Variants in ZFAND3 observed in about 807,000 individuals in gnomAD.
The protein encoded by ZFAND3 is AN1-type zinc finger protein 3.
ZFAND3 carries 10 observed loss-of-function variants against 29.6 expected under a neutral mutation model. The ratio of observed to expected loss-of-function variants is 0.34; its 90% CI spans 0.21 to 0.57. The LOEUF is 0.57. ZFAND3 is among the 20% of genes least tolerant of loss of function. The pLI, the probability that ZFAND3 is intolerant of heterozygous loss-of-function variation, is 0.86. For synonymous variants in ZFAND3, 128 were observed against 112.6 expected, an observed-to-expected ratio of 1.14 and a Z score of -0.87; for missense variants, 230 against 304.5, an observed-to-expected ratio of 0.76 and a Z score of 1.82.
At chr6:37,846,218 G>T (rs982290484) in intron 1 of ZFAND3, among the ~76,000 whole-genome samples, 2 of 152,174 alleles carry the variant, frequency 1.3e-5, no homozygotes, top group African/African-American at 4.8e-5. Context: ...CTTACATTAT[G>T]CTTTGCTTAA....
At chr6:38,020,652 T>C (rs1159075536) in intron 2 of ZFAND3, among the ~76,000 whole-genome samples, 5 of 152,224 alleles carry the variant, frequency 3.3e-5, no homozygotes, top group Admixed American at 3.3e-4. Context: ...CTCCTTATTT[T>C]GCCTCTCTCC....
chr6:37,874,616 T>TAAA, intron 1 of ZFAND3, among the ~76,000 whole-genome samples: 1 of 152,260 alleles, frequency 6.6e-6, no homozygotes, highest in East Asian at 1.9e-4. Context: ...ATTGCCTCTG[T>TAAA]AAGACCCCAT....
chr6:37,877,845 C>G (rs889779802), intron 1 of ZFAND3, among the ~76,000 whole-genome samples: 1 of 152,168 alleles, frequency 6.6e-6, no homozygotes, highest in Admixed American at 6.5e-5. Context: ...AAGTCTTGGT[C>G]AAGCTAAGAA....
At chr6:37,996,085 C>T (rs1454958929) in intron 2 of ZFAND3, among the ~76,000 whole-genome samples, 1 of 151,348 alleles carries the variant, frequency 6.6e-6, no homozygotes, top group Non-Finnish European at 1.5e-5. Context: ...GCCGAGATCA[C>T]ACCACTGTAC....
At chr6:38,038,138 G>C (rs1763694093) in intron 2 of ZFAND3, among the ~76,000 whole-genome samples, 1 of 152,130 alleles carries the variant, frequency 6.6e-6, no homozygotes, top group South Asian at 2.1e-4. Flanking sequence ...GGATTAATCA[G>C]CTGGCCCGAG....
intron 1 of ZFAND3, among the ~76,000 whole-genome samples, chr6:37,874,746 T>C (rs1481627263): frequency 2.0e-5 from 3 of 152,214 alleles, no homozygotes; most frequent in Non-Finnish European, 2.9e-5. Context: ...ATTCTTTCTT[T>C]TTCGTTTTTG....
At chr6:38,061,115 A>ATATTC (rs1764229620) in intron 2 of ZFAND3, among the ~76,000 whole-genome samples, 1 of 152,152 alleles carries the variant, frequency 6.6e-6, no homozygotes, top group Admixed American at 6.5e-5. Context: ...TTTAGTCCAA[A>ATATTC]TATTCTGCCT....
chr6:38,152,193 C>T, intron 5 of ZFAND3, 42 bp from the exon 6 acceptor site: 2 of 1,458,320 alleles, frequency 1.4e-6, no homozygotes, highest in Non-Finnish European at 1.8e-6. Context: ...ACTTGGAGGC[C>T]ACCCTAACAC....
In ZFAND3 at chr6:38,144,187, AT is replaced by A. The variant is rs1562015710; in HGVS notation, c.530-8047del. Among the ~76,000 whole-genome samples, 190 of 22,590 alleles carry A rather than the reference AT, an allele frequency of 8.4e-3. 15 individuals carry two copies. The highest frequency in any genetic ancestry group is 0.036 in the African/African-American group (180 of 5,002). The allele number at this position is 22,590 out of a possible 152,430, so 14.8% of individuals were successfully genotyped here. ...GAAAAATGTGATATATATATATAAT[AT>A]ATATATATATATATATATATATAAT... On this transcript the variant is annotated intron_variant, in intron 5 of 5. Coordinates refer to ENST00000287218, the MANE Select transcript of ZFAND3 (RefSeq NM_021943.3).
At position 37,893,045 on chromosome 6, in the gene ZFAND3, A is replaced by G. The variant is rs185649216; in HGVS notation, c.72-36914A>G. Among the ~76,000 whole-genome samples the G allele has an allele frequency of 9.5e-3, 1,444 of 151,840 alleles. 22 individuals are homozygous for G. Among genetic ancestry groups the G allele is most frequent in the African/African-American group, 0.033 (1,362 of 41,458 alleles). On this transcript the variant is annotated intron_variant, in intron 1 of 5. Transcript: ENST00000287218. ...TTTAAAGAATTAATACCAGTTCTAC[A>G]CACACACACACGCATGCACACACAC...
chr6:37,881,914 A>C (rs1561921113), intron 1 of ZFAND3, among the ~76,000 whole-genome samples: 1 of 152,234 alleles, frequency 6.6e-6, no homozygotes. Flanking sequence ...ATTCAAAAAC[A>C]TTCCTGTATA....
intron 2 of ZFAND3, among the ~76,000 whole-genome samples, chr6:37,953,862 G>A (rs1012561732): frequency 6.6e-6 from 1 of 152,082 alleles, no homozygotes; most frequent in African/African-American, 2.4e-5. Context: ...TTTCTCTCTG[G>A]TATCATTTCC....
intron 1 of ZFAND3, among the ~76,000 whole-genome samples, chr6:37,861,790 G>C (rs1438311650): frequency 1.3e-5 from 2 of 152,136 alleles, no homozygotes; most frequent in Non-Finnish European, 2.9e-5. Flanking sequence ...AATTTACTTA[G>C]AAATACTTCT....
intron 4 of ZFAND3, among the ~76,000 whole-genome samples, chr6:38,098,251 ATTC>A (rs1765021189): frequency 6.6e-6 from 1 of 152,078 alleles, no homozygotes; most frequent in African/African-American, 2.4e-5. Flanking sequence ...GGTTCAAGCA[ATTC>A]TTCTGCCTCA....
At chr6:37,954,558 A>G (rs1762052466) in intron 2 of ZFAND3, among the ~76,000 whole-genome samples, 1 of 152,072 alleles carries the variant, frequency 6.6e-6, no homozygotes. Context: ...CTTTTTGCAC[A>G]CAGAATATAG....
intron 2 of ZFAND3, among the ~76,000 whole-genome samples, chr6:37,934,719 G>GT: frequency 6.6e-6 from 1 of 151,004 alleles, no homozygotes; most frequent in Admixed American, 6.6e-5. Flanking sequence ...CATGCCTGTA[G>GT]TCCCAGCTAC....
At chr6:37,833,386 C>G (rs779844253) in intron 1 of ZFAND3, among the ~76,000 whole-genome samples, 1 of 152,136 alleles carries the variant, frequency 6.6e-6, no homozygotes, top group Non-Finnish European at 1.5e-5. Context: ...CTCCCTTCCT[C>G]TCTCAGGGGT....
intron 5 of ZFAND3, among the ~76,000 whole-genome samples, chr6:38,129,803 CT>C (rs35241336): frequency 0.63 from 92,500 of 145,720 alleles, 29,686 homozygotes; most frequent in African/African-American, 0.75. Flanking sequence ...GATATGTGGG[CT>C]TTTTTTTTTT....
intron 4 of ZFAND3, among the ~76,000 whole-genome samples, chr6:38,091,007 G>A (rs1270335946): frequency 1.3e-5 from 2 of 152,168 alleles, no homozygotes; most frequent in South Asian, 2.1e-4. Context: ...CCAAGGCCTC[G>A]TTTGGGCTTT....
Sources: gnomAD v4.1 joint callset for allele counts (sites outside exome capture counted in the v4.1 genomes callset) on GRCh38, gnomAD v4.1.1 for gene constraint, MANE v1.5 for transcripts, NCBI Gene and HGNC (gene_info 2026-07-23, HGNC 2026-07-21) for gene names.